DYRK4: variants seen among roughly 807,000 people sequenced by gnomAD.
The protein encoded by DYRK4 is dual specificity tyrosine phosphorylation regulated kinase 4, also known as dual specificity tyrosine-phosphorylation-regulated kinase 4.
Under a neutral mutation model 68.3 loss-of-function variants are expected in DYRK4, and 64 were observed. The ratio of observed to expected loss-of-function variants is 0.94; its 90% CI spans 0.77 to 1.15. DYRK4 has a LOEUF of 1.15. DYRK4 is among the 50% of genes most tolerant of loss of function. DYRK4 has a pLI of 0.00. For missense variants in DYRK4, 740 were observed against 764.7 expected (o/e 0.97, Z 0.38); for synonymous variants, 274 against 289.9 (o/e 0.95, Z 0.56).
rs1391941177 is a variant in DYRK4, at chr12:4,596,164, A to G, written c.643A>G (p.Ile215Val). 3 of 1,614,168 alleles carry G rather than the reference A, an allele frequency of 1.9e-6. No homozygotes were observed. The highest frequency in any genetic ancestry group is 2.5e-6 in the Non-Finnish European group (3 of 1,180,010). The stretch of plus-strand genomic sequence containing the variant: ...GCTTCCACAGGTCCTGCATGATCAC[A>G]TTGCCTACCGCTATGAAGTTCTGGA... ...GFYLKVLHDHIAYRYEVLETI... is the reference protein window; with the variant it reads ...GFYLKVLHDHVAYRYEVLETI... Residue 215 changes from isoleucine (I) to valine (V), a missense_variant, in exon 7 of 15, where the codon ATT (isoleucine) becomes GTT (valine). This residue lies in a region of DYRK4 where 614 missense variants were observed against 603.7 expected (regional missense o/e 1.02). Transcript: ENST00000543431.
chr12:4,571,204 A>T (rs1944727048), intron 2 of DYRK4, among the ~76,000 whole-genome samples: 1 of 152,208 alleles, frequency 6.6e-6, no homozygotes, highest in Admixed American at 6.5e-5. Flanking sequence ...AGGATATTAC[A>T]TTACGATCTC....
Position 4,596,707 on chromosome 12 carries a change from T to C in DYRK4, c.883T>C (p.Cys295Arg). The C allele has an allele frequency of 6.2e-7, 1 of 1,614,214 alleles. No individual in the cohort carries two copies. The highest frequency in any genetic ancestry group is 8.5e-7 in the Non-Finnish European group (1 of 1,180,030). ...CTTTTTCTACTTTCGCAATCACTTCTGCATCACCTTTGAGCTCCTGGGGTC... is the reference window on the plus strand; with the variant it reads ...CTTTTTCTACTTTCGCAATCACTTCCGCATCACCTTTGAGCTCCTGGGGTC... ...KDFFYFRNHF[C>R]ITFELLGINL... The change falls in exon 8 of 15, where the codon TGC (cysteine) becomes CGC (arginine). Residue 295 changes from cysteine to arginine, a missense_variant. Physicochemically the swap from Cys to Arg is radical, Grantham distance 180. Transcript: ENST00000543431.
intron 6 of DYRK4, 145 bp downstream of exon 6, chr12:4,593,310 C>A (rs761669124): frequency 4.5e-6 from 4 of 889,456 alleles, no homozygotes; most frequent in Non-Finnish European, 6.6e-6. Context: ...AGTGCCAAAC[C>A]AAGGAAATAC....
chr12:4,606,227 C>A (rs2137399503), intron 11 of DYRK4, among the ~76,000 whole-genome samples: 1 of 152,278 alleles, frequency 6.6e-6, no homozygotes, highest in Admixed American at 6.5e-5. Context: ...TTAAATTTTA[C>A]ATTTTAGGAT....
chr12:4,611,383 A>G (rs1945219038), intron 13 of DYRK4, among the ~76,000 whole-genome samples: 1 of 152,242 alleles, frequency 6.6e-6, no homozygotes, highest in Non-Finnish European at 1.5e-5. Flanking sequence ...TCCAGAACAC[A>G]GCTCAGCACC....
chr12:4,571,225 A>G (rs911300777), intron 2 of DYRK4, among the ~76,000 whole-genome samples: 3 of 152,236 alleles, frequency 2.0e-5, no homozygotes, highest in Admixed American at 6.5e-5. Context: ...CCCGACAACT[A>G]CAAGATGCTA....
Position 4,612,530 on chromosome 12 carries a change from T to C in DYRK4, c.1491-13T>C. 1.2e-6 allele frequency: 2 copies of C among 1,609,882 alleles called. No individual in the cohort carries two copies. Among genetic ancestry groups the C allele is most frequent in the Admixed American group, 3.4e-5 (2 of 59,650 alleles). Reference sequence around the variant, plus strand: ...TAAAACAATAACCCATGTGGGGCTTTGTTGGGGTGCAGATGGGAACCTTCT... The same window carrying C: ...TAAAACAATAACCCATGTGGGGCTTCGTTGGGGTGCAGATGGGAACCTTCT... On this transcript the variant is annotated splice_polypyrimidine_tract_variant and intron_variant, in intron 13 of 14. Coordinates refer to ENST00000543431, the MANE Select transcript of DYRK4 (RefSeq NM_001394779.1).
chr12:4,577,377 A>G (rs1001828390), intron 2 of DYRK4, among the ~76,000 whole-genome samples: 4 of 152,086 alleles, frequency 2.6e-5, no homozygotes, highest in Non-Finnish European at 5.9e-5. Flanking sequence ...GCTTAGTACT[A>G]TTTGTTGAAG....
chr12:4,577,249 T>A (rs927928510), intron 2 of DYRK4, among the ~76,000 whole-genome samples: 1 of 152,218 alleles, frequency 6.6e-6, no homozygotes, highest in African/African-American at 2.4e-5. Context: ...TGTTTTTGTT[T>A]GTTTTTAATA....
chr12:4,600,738 C>A lies in DYRK4; in HGVS notation c.1126+950C>A, dbSNP rs571409507. 5.3e-5 allele frequency among the ~76,000 whole-genome samples: 8 copies of A among 151,898 alleles called. No individual in the cohort carries two copies. The South Asian group carries it at 1.7e-3, about 32-fold the overall frequency. On this transcript the variant is annotated intron_variant, in intron 10 of 14. Transcript: ENST00000543431. ...TCCATGCCCTCTTGGGGGCACGCCACCCTCCCAACACCACGTTTCCCATAC... is the reference window on the plus strand; with the variant it reads ...TCCATGCCCTCTTGGGGGCACGCCAACCTCCCAACACCACGTTTCCCATAC...
At chr12:4,594,807 A>G (rs746612437) in intron 6 of DYRK4, among the ~76,000 whole-genome samples, 10 of 151,918 alleles carry the variant, frequency 6.6e-5, no homozygotes, top group Non-Finnish European at 1.0e-4. Context: ...CAGTACACAC[A>G]CAAATACATA....
chr12:4,605,728 G>GTTTTTTTTTTTTT (rs780888385), intron 11 of DYRK4, among the ~76,000 whole-genome samples: 1 of 68,938 alleles, frequency 1.5e-5, no homozygotes. Context: ...AATAGAGCTG[G>GTTTTTTTTTTTTT]GTTTTTTTTT....
intron 5 of DYRK4, 113 bp from the exon 6 acceptor site, chr12:4,592,889 C>T (rs1028306118): frequency 4.1e-5 from 55 of 1,344,956 alleles, no homozygotes; most frequent in Non-Finnish European, 5.2e-5. Context: ...GTGAGCCACC[C>T]AGCTGGGGAA....
In DYRK4 at chr12:4,612,680, AG is replaced by A; in HGVS notation, c.1630del (p.Asp544ThrfsTer54). 2 of 1,614,198 alleles carry A rather than the reference AG, an allele frequency of 1.2e-6. No individual in the cohort carries two copies. Among genetic ancestry groups the A allele is most frequent in the Non-Finnish European group, 1.7e-6 (2 of 1,180,034 alleles). On this transcript the variant is annotated frameshift_variant, in exon 14 of 15. Coordinates refer to ENST00000543431, the MANE Select transcript of DYRK4 (RefSeq NM_001394779.1). LOFTEE classifies it low-confidence loss of function (END_TRUNC). Reference protein sequence around the residue: ...SNSFFPSETRKDKVQGCHHSS... With the variant: ...SNSFFPSETRXDKVQGCHHSS... Reference sequence around the variant, plus strand: ...TCCTTTTTCCCCTCTGAGACAAGGAAGGACAAGGTTCAAGGCTGTCATCACT... The same window carrying A: ...TCCTTTTTCCCCTCTGAGACAAGGAAGACAAGGTTCAAGGCTGTCATCACT...
chr12:4,584,207 A>G lies in DYRK4; in HGVS notation c.133-4730A>G, dbSNP rs1332646089. 3.9e-5 allele frequency among the ~76,000 whole-genome samples: 6 copies of G among 152,306 alleles called. No homozygotes were observed. In the East Asian group the frequency reaches 9.6e-4, roughly 24 times the overall value. ...GAACTCACTTGGGGAAGCTTAAAAT[A>G]CAGGTTTCTGGGCTCTACTGCTAGG... On this transcript the variant is annotated intron_variant, in intron 2 of 14. Transcript: ENST00000543431.
intron 2 of DYRK4, among the ~76,000 whole-genome samples, chr12:4,574,786 C>A (rs1411037392): frequency 1.3e-5 from 2 of 152,170 alleles, no homozygotes; most frequent in Non-Finnish European, 2.9e-5. Context: ...GGTGCGATCT[C>A]GGCTCACTGC....
chr12:4,575,480 T>G (rs370737837), intron 2 of DYRK4, among the ~76,000 whole-genome samples: 14 of 152,106 alleles, frequency 9.2e-5, no homozygotes, highest in African/African-American at 3.4e-4. Flanking sequence ...AGCTAATTTT[T>G]TTGTACTTTT....
intron 2 of DYRK4, among the ~76,000 whole-genome samples, chr12:4,584,222 C>A (rs1384451434): frequency 2.6e-5 from 4 of 152,182 alleles, no homozygotes; most frequent in African/African-American, 7.2e-5. Context: ...TTTCTGGGCT[C>A]TACTGCTAGG....
intron 2 of DYRK4, among the ~76,000 whole-genome samples, chr12:4,570,065 AATAATAATAATAATG>A (rs1475571590): frequency 7.1e-6 from 1 of 140,030 alleles, no homozygotes; most frequent in Non-Finnish European, 1.5e-5. Flanking sequence ...TAATAATAAT[AATAATAATAATAATG>A]ATAATAACAA....
Sources: gnomAD v4.1 joint callset for allele counts (sites outside exome capture counted in the v4.1 genomes callset) on GRCh38, gnomAD v4.1.1 for gene constraint, gnomAD v4.1.1 regional missense constraint, MANE v1.5 for transcripts, NCBI Gene and HGNC (gene_info 2026-07-23, HGNC 2026-07-21) for gene names.